CEP120: variants seen among roughly 807,000 people sequenced by gnomAD.
CEP120 encodes centrosomal protein of 120 kDa.
Under a neutral mutation model 126.5 loss-of-function variants are expected in CEP120, and 113 were observed. That is an observed-to-expected ratio of 0.89 (90% CI 0.77 to 1.04). The LOEUF is 1.04. Among genes scored for constraint, CEP120 ranks in the 50% least tolerant of loss-of-function variants. The pLI, the probability that CEP120 is intolerant of heterozygous loss-of-function variation, is 0.00. For missense variants in CEP120, 1,230 were observed against 1,155.7 expected (o/e 1.06, Z -0.93); for synonymous variants, 400 against 394.3 (o/e 1.01, Z -0.17).
intron 5 of CEP120, among the ~76,000 whole-genome samples, chr5:123,396,554 C>T (rs1213404289): frequency 6.6e-6 from 1 of 152,014 alleles, no homozygotes; most frequent in Admixed American, 6.6e-5. Context: ...GGAAACTTTA[C>T]CATACAAATG....
chr5:123,363,433 A>T (rs112885113), intron 18 of CEP120, among the ~76,000 whole-genome samples: 1 of 151,616 alleles, frequency 6.6e-6, no homozygotes, highest in Non-Finnish European at 1.5e-5. Context: ...ACCTGGTATA[A>T]TATTATTTTA....
intron 18 of CEP120, among the ~76,000 whole-genome samples, chr5:123,353,030 G>T (rs919329258): frequency 1.3e-5 from 2 of 151,870 alleles, no homozygotes; most frequent in Admixed American, 6.6e-5. Context: ...ATACTTTTTA[G>T]CTCTCTAAAT....
At chr5:123,422,356 T>C in intron 1 of CEP120, 1 of 703,690 alleles carries the variant, frequency 1.4e-6, no homozygotes, top group Non-Finnish European at 2.4e-6. Flanking sequence ...ACACTCTCCT[T>C]GCTACATCCT....
intron 6 of CEP120, among the ~76,000 whole-genome samples, 192 bp downstream of exon 6, chr5:123,393,108 C>T (rs1173259386): frequency 6.6e-6 from 1 of 151,996 alleles, no homozygotes; most frequent in Non-Finnish European, 1.5e-5. Flanking sequence ...TCATAAAATT[C>T]TGAGGTAATT....
chr5:123,391,065 A>G (rs1772360643), intron 7 of CEP120, 45 bp downstream of exon 7: 7 of 1,396,952 alleles, frequency 5.0e-6, no homozygotes, highest in Admixed American at 2.0e-5. Flanking sequence ...GTAATCATGC[A>G]TGGGACTAGT....
rs1774794933 is a variant in CEP120 at position 123,422,631 on chromosome 5, C to T, written c.49+319G>A. 4 of 1,254,956 alleles carry T rather than the reference C, an allele frequency of 3.2e-6. No homozygotes were observed. The East Asian group carries it at 1.0e-4, about 32-fold the overall frequency. 77.7% of individuals were successfully genotyped at this position (1,254,956 alleles called of 1,614,324 possible). ...TATTATTGGGAACCGCTGATCAGAA[C>T]GCGCTTCTCAGGACCACGTTCAGCT... is the stretch of plus-strand genomic sequence containing the variant. On this transcript the variant is annotated intron_variant, in intron 1 of 19. Coordinates refer to ENST00000306467, the MANE Select transcript of CEP120 (RefSeq NM_001375405.1).
chr5:123,407,971 C>T (rs1773805449), intron 4 of CEP120, among the ~76,000 whole-genome samples: 1 of 152,038 alleles, frequency 6.6e-6, no homozygotes, highest in African/African-American at 2.4e-5. Context: ...AAAAAAAAAT[C>T]TCAAGAGAAA....
intron 4 of CEP120, among the ~76,000 whole-genome samples, chr5:123,411,699 TG>T (rs1366045041): frequency 6.6e-6 from 1 of 152,198 alleles, no homozygotes; most frequent in Non-Finnish European, 1.5e-5. Context: ...GAGGGAGGAA[TG>T]AATAGGTGGA....
intron 5 of CEP120, among the ~76,000 whole-genome samples, chr5:123,394,616 A>G (rs528975768): frequency 6.6e-6 from 1 of 152,362 alleles, no homozygotes; most frequent in East Asian, 1.9e-4. Flanking sequence ...GTTGGCTTAA[A>G]AAAATTACAG....
In CEP120 at chr5:123,401,452, C is replaced by G. The variant is rs534377772; in HGVS notation, c.464-2168G>C. On this transcript the variant is annotated intron_variant, in intron 4 of 19. Transcript: ENST00000306467. ...TAGTCTTTGTGCACCGCAGGTTATCCCCATGCTTCCCAGCCAGACTCTGCA... is the reference window on the plus strand; with the variant it reads ...TAGTCTTTGTGCACCGCAGGTTATCGCCATGCTTCCCAGCCAGACTCTGCA... 6.6e-5 allele frequency: 86 copies of G among 1,306,390 alleles called. 1 individual carries two copies. The South Asian group carries it at 9.8e-4, about 15-fold the overall frequency. 80.9% of individuals were successfully genotyped at this position (1,306,390 alleles called of 1,614,324 possible). A position where few individuals can be genotyped will look rare whatever the true frequency, so the allele number is the denominator to read the frequency against.
At chr5:123,382,914 T>C (rs371093775) in intron 12 of CEP120, 25 bp from the exon 13 acceptor site, 362 of 1,611,176 alleles carry the variant, frequency 2.2e-4, no homozygotes, top group Non-Finnish European at 2.8e-4. Flanking sequence ...AAAAAGTACA[T>C]TTAAACACTC....
intron 17 of CEP120, among the ~76,000 whole-genome samples, chr5:123,365,466 T>A (rs1444156784): frequency 1.3e-5 from 2 of 151,732 alleles, no homozygotes; most frequent in Non-Finnish European, 3.0e-5. Flanking sequence ...CTAATTTTTA[T>A]ATCAAGTCTA....
intron 5 of CEP120, among the ~76,000 whole-genome samples, chr5:123,396,120 A>C (rs143630350): frequency 7.2e-4 from 110 of 151,772 alleles, no homozygotes; most frequent in African/African-American, 2.5e-3. Context: ...GGTGTATGCC[A>C]CACCACCCAC....
In CEP120 at chr5:123,390,067, T is replaced by C. The variant is rs114281792; in HGVS notation, c.1112A>G (p.Lys371Arg). The C allele has an allele frequency of 5.4e-3, 8,679 of 1,614,138 alleles. 36 individuals carry two copies. Among genetic ancestry groups the C allele is most frequent in the Non-Finnish European group, 6.6e-3 (7,771 of 1,179,970 alleles). ...HSKKKVLTPI[K>R]EKTLTGPKSP... The stretch of plus-strand genomic sequence containing the variant: ...TTTTGGCCCAGTAAGTGTCTTCTCC[T>C]TTATGGGGGTTAAAACTTTCTTCTT... The change falls in exon 8 of 20, where the codon AAG (lysine) becomes AGG (arginine). Residue 371 changes from lysine (K) to arginine (R), a missense_variant. Lys to Arg is a conservative substitution (Grantham distance 26). Transcript: ENST00000306467.
chr5:123,395,972 G>A (rs1772761637), intron 5 of CEP120, among the ~76,000 whole-genome samples: 1 of 149,612 alleles, frequency 6.7e-6, no homozygotes, highest in African/African-American at 2.5e-5. Flanking sequence ...GTGAGCCACT[G>A]AGCCTGGTCT....
chr5:123,352,250 T>C (rs1055288109), intron 18 of CEP120, among the ~76,000 whole-genome samples: 3 of 152,076 alleles, frequency 2.0e-5, no homozygotes, highest in Non-Finnish European at 4.4e-5. Context: ...TTTACTCCAT[T>C]AATGTTTTTT....
intron 1 of CEP120, among the ~76,000 whole-genome samples, chr5:123,420,261 C>T (rs938800095): frequency 1.3e-5 from 2 of 152,188 alleles, no homozygotes; most frequent in Non-Finnish European, 2.9e-5. Context: ...CTAGCAGCTT[C>T]CAACAAGCTT....
At chr5:123,419,971 G>C (rs965100351) in intron 1 of CEP120, among the ~76,000 whole-genome samples, 4 of 152,188 alleles carry the variant, frequency 2.6e-5, no homozygotes, top group African/African-American at 9.7e-5. Flanking sequence ...GATTAATGAA[G>C]AAATCCCTGC....
intron 6 of CEP120, among the ~76,000 whole-genome samples, chr5:123,391,801 T>C (rs2127072563): frequency 6.6e-6 from 1 of 152,288 alleles, no homozygotes; most frequent in East Asian, 1.9e-4. Context: ...AGTTTTGTTT[T>C]TTTCACCCAT....
Sources: gnomAD v4.1 joint callset for allele counts (sites outside exome capture counted in the v4.1 genomes callset) on GRCh38, gnomAD v4.1.1 for gene constraint, MANE v1.5 for transcripts, NCBI Gene and HGNC (gene_info 2026-07-23, HGNC 2026-07-21) for gene names.